Variants in SEC22A observed in about 807,000 individuals in gnomAD.
The protein encoded by SEC22A is SEC22 homolog A, vesicle trafficking protein.
A neutral mutation model predicts 35.3 loss-of-function variants in SEC22A; 22 were observed. The observed-to-expected ratio is 0.62, with a 90% CI of 0.45 to 0.89. The LOEUF (loss-of-function observed/expected upper bound fraction) is 0.89, where lower values mean the gene tolerates loss of function less well. Among genes scored for constraint, SEC22A ranks in the 40% least tolerant of loss-of-function variants. The pLI is 0.00. For synonymous variants in SEC22A, 119 were observed against 129.5 expected (o/e 0.92, Z 0.55); for missense variants, 354 against 362.5 (o/e 0.98, Z 0.19).
chr3:123,234,662 A>G (rs1306626924), intron 4 of SEC22A, among the ~76,000 whole-genome samples: 2 of 152,188 alleles, frequency 1.3e-5, no homozygotes, highest in Non-Finnish European at 2.9e-5. Context: ...AGGAGAAAAC[A>G]TACATATAAA....
At chr3:123,259,430 G>A (rs980621549) in intron 5 of SEC22A, 94 bp from the exon 6 acceptor site, 3 of 856,374 alleles carry the variant, frequency 3.5e-6, no homozygotes, top group South Asian at 3.0e-5. Context: ...AATTTTGACT[G>A]TTTGTAAATA....
chr3:123,202,223 CT>C (rs1936762669), intron 1 of SEC22A: 1 of 152,914 alleles, frequency 6.5e-6, no homozygotes, highest in Admixed American at 6.5e-5. Context: ...TGAGGGTTCT[CT>C]GGGGCCAGGC....
chr3:123,270,243 A>T (rs1335924630), intron 6 of SEC22A, among the ~76,000 whole-genome samples: 2 of 151,874 alleles, frequency 1.3e-5, no homozygotes, highest in African/African-American at 2.4e-5. Context: ...AGAAAAAGCT[A>T]TTTTTTTCTA....
At chr3:123,266,663 T>G (rs928605858) in intron 6 of SEC22A, among the ~76,000 whole-genome samples, 3 of 152,156 alleles carry the variant, frequency 2.0e-5, no homozygotes, top group Non-Finnish European at 4.4e-5. Context: ...TGATTACACT[T>G]CTTTTAAATT....
At chr3:123,248,414 A>C (rs1267239839) in intron 5 of SEC22A, among the ~76,000 whole-genome samples, 1 of 152,192 alleles carries the variant, frequency 6.6e-6, no homozygotes, top group African/African-American at 2.4e-5. Context: ...TAATATACAA[A>C]ACTCAATTGC....
chr3:123,228,090 A>G (rs1028431175), intron 4 of SEC22A, among the ~76,000 whole-genome samples: 6 of 152,144 alleles, frequency 3.9e-5, no homozygotes, highest in Non-Finnish European at 5.9e-5. Flanking sequence ...TTCACATACA[A>G]ATGTGGGAGA....
chr3:123,268,712 A>G (rs1938079940), intron 6 of SEC22A, among the ~76,000 whole-genome samples: 2 of 152,198 alleles, frequency 1.3e-5, no homozygotes, highest in African/African-American at 4.8e-5. Flanking sequence ...TTGATACAAT[A>G]TTATCTAATA....
At chr3:123,256,275 A>G (rs1386249956) in intron 5 of SEC22A, among the ~76,000 whole-genome samples, 2 of 152,216 alleles carry the variant, frequency 1.3e-5, no homozygotes, top group African/African-American at 4.8e-5. Context: ...CTCTTTCCTG[A>G]AGCAGACTGA....
At chr3:123,228,370 G>C (rs1937251158) in intron 4 of SEC22A, among the ~76,000 whole-genome samples, 1 of 143,860 alleles carries the variant, frequency 7.0e-6, no homozygotes, top group Non-Finnish European at 1.5e-5. Context: ...TTCACGACCA[G>C]CCTGACCAAC....
At position 123,209,353 on chromosome 3, in the gene SEC22A, C is replaced by A; in HGVS notation, c.136C>A (p.Gln46Lys). The A allele has an allele frequency of 6.2e-7, 1 of 1,613,962 alleles. No homozygotes were observed. Among genetic ancestry groups the A allele is most frequent in the Non-Finnish European group, 8.5e-7 (1 of 1,179,936 alleles). The stretch of plus-strand genomic sequence containing the variant: ...TAAAATGCTTTCGAGGAAACTTGCT[C>A]AACTTCCTGATAGATGTACACTGAA... ...YFKMLSRKLA[Q>K]LPDRCTLKTG... Residue 46 changes from glutamine to lysine, a missense_variant, in exon 2 of 7, where the codon CAA (glutamine) becomes AAA (lysine). Coordinates refer to ENST00000492595, the MANE Select transcript of SEC22A (RefSeq NM_012430.5).
intron 2 of SEC22A, among the ~76,000 whole-genome samples, chr3:123,209,623 C>T (rs9850326): frequency 0.25 from 37,914 of 152,064 alleles, 5,001 homozygotes; most frequent in Middle Eastern, 0.32. Flanking sequence ...TCATAGATAT[C>T]CCTCTTTTAA....
At position 123,273,174 on chromosome 3, in the gene SEC22A, T is replaced by C. The variant is rs995899629; in HGVS notation, c.*1452T>C. On this transcript the variant is annotated 3_prime_UTR_variant, in exon 7 of 7. Transcript: ENST00000492595. ...ACATTGTAATTGTTGTTACTAGGCA[T>C]ATTTATTAAGTAGAGAAATAGAGGG... 3 of 152,256 alleles carry C rather than the reference T, an allele frequency of 2.0e-5. No individual in the cohort carries two copies. The highest frequency in any genetic ancestry group is 7.2e-5 in the African/African-American group (3 of 41,454). 9.4% of individuals were successfully genotyped at this position (152,256 alleles called of 1,614,324 possible).
At chr3:123,259,271 T>C (rs1421536600) in intron 5 of SEC22A, among the ~76,000 whole-genome samples, 2 of 152,124 alleles carry the variant, frequency 1.3e-5, no homozygotes, top group African/African-American at 2.4e-5. Flanking sequence ...TCCCCAGTGG[T>C]TTTCCTCTTT....
At chr3:123,264,177 T>A (rs1394014854) in intron 6 of SEC22A, among the ~76,000 whole-genome samples, 1 of 152,174 alleles carries the variant, frequency 6.6e-6, no homozygotes, top group Non-Finnish European at 1.5e-5. Context: ...CACAAAGCTC[T>A]AGGGTTACAG....
At chr3:123,202,888 A>G (rs1014907972) in intron 1 of SEC22A, among the ~76,000 whole-genome samples, 15 of 152,112 alleles carry the variant, frequency 9.9e-5, no homozygotes, top group Non-Finnish European at 2.1e-4. Flanking sequence ...ATATTTGCTT[A>G]CATGCTAAGA....
intron 4 of SEC22A, 27 bp from the exon 5 acceptor site, chr3:123,245,872 T>A (rs1937561830): frequency 7.5e-7 from 1 of 1,328,138 alleles, no homozygotes; most frequent in Non-Finnish European, 1.1e-6. Flanking sequence ...TTGGTGTTCA[T>A]TTCTAACTAT....
At position 123,269,213 on chromosome 3, in the gene SEC22A, G is replaced by A. The variant is rs62262618; in HGVS notation, c.724-2309G>A. Among the ~76,000 whole-genome samples, 402 of 81,018 alleles carry A rather than the reference G, an allele frequency of 5.0e-3. 2 individuals are homozygous for A. The highest frequency in any genetic ancestry group is 0.012 in the Middle Eastern group (2 of 162). 53.2% of individuals were successfully genotyped at this position (81,018 alleles called of 152,430 possible). On this transcript the variant is annotated intron_variant, in intron 6 of 6. Transcript: ENST00000492595. ...TGTGTGTGTGTGTGTGTGTGTGTGT[G>A]TGTATATATTACTGGAAATGCTAGC...
intron 4 of SEC22A, among the ~76,000 whole-genome samples, chr3:123,227,903 C>T (rs1476156530): frequency 4.0e-5 from 6 of 149,470 alleles, no homozygotes; most frequent in South Asian, 4.3e-4. Flanking sequence ...GAGCTGAGAT[C>T]GTACCACTGC....
intron 6 of SEC22A, among the ~76,000 whole-genome samples, chr3:123,267,366 G>T (rs1043548856): frequency 7.3e-5 from 11 of 149,954 alleles, no homozygotes; most frequent in African/African-American, 2.5e-4. Context: ...GTATTTTTTA[G>T]TGTATCTATT....
Sources: allele counts gnomAD v4.1 joint callset (sites outside exome capture counted in the v4.1 genomes callset), GRCh38; gene constraint gnomAD v4.1.1; transcripts MANE v1.5; gene names NCBI Gene and HGNC (gene_info 2026-07-23, HGNC 2026-07-21).